Variants in ASXL2 observed in about 807,000 individuals in gnomAD.
The protein encoded by ASXL2 is ASXL transcriptional regulator 2, also known as putative Polycomb group protein ASXL2.
Under a neutral mutation model 122.0 loss-of-function variants are expected in ASXL2, and 23 were observed. That is an observed-to-expected ratio of 0.19 (90% CI 0.14 to 0.27). The LOEUF is 0.27. Ranked by LOEUF, ASXL2 falls within the 10% of genes least tolerant of loss-of-function variation. The pLI is 1.00. For missense variants in ASXL2, 1,518 were observed against 1,713.8 expected, an observed-to-expected ratio of 0.89 and a Z score of 2.02; for synonymous variants, 650 against 637.0, an observed-to-expected ratio of 1.02 and a Z score of -0.31.
At chr2:25,771,189 T>G (rs549490913) in intron 6 of ASXL2, among the ~76,000 whole-genome samples, 3 of 152,146 alleles carry the variant, frequency 2.0e-5, no homozygotes, top group Admixed American at 6.5e-5. Context: ...TGAGCTGAGA[T>G]TGCACCCACT....
intron 1 of ASXL2, among the ~76,000 whole-genome samples, chr2:25,874,214 C>A (rs1160376473): frequency 6.6e-6 from 1 of 151,978 alleles, no homozygotes; most frequent in Non-Finnish European, 1.5e-5. Context: ...GTGGGCCCCG[C>A]ACAGTGGCTC....
intron 12 of ASXL2, among the ~76,000 whole-genome samples, chr2:25,745,641 CTTTTT>C (rs59530493): frequency 5.3e-5 from 4 of 75,676 alleles, no homozygotes; most frequent in Admixed American, 1.6e-4. Context: ...TGATTTCCTT[CTTTTT>C]TTTTTTTTTT....
At chr2:25,855,882 C>CATTTATTTATTTATTTATTTATTTATTT (rs147256555) in intron 1 of ASXL2, among the ~76,000 whole-genome samples, 6 of 142,464 alleles carry the variant, frequency 4.2e-5, no homozygotes, top group African/African-American at 1.6e-4. Context: ...CTTGATAATG[C>CATTTATTTATTTATTTATTTATTTATTT]ATTTATTTAT....
chr2:25,820,601 A>G (rs1485698458), intron 3 of ASXL2, among the ~76,000 whole-genome samples: 7 of 152,196 alleles, frequency 4.6e-5, no homozygotes, highest in Non-Finnish European at 8.8e-5. Context: ...TGTTAGGAGG[A>G]GCCAGCATTA....
chr2:25,832,245 T>C (rs1199806529), intron 3 of ASXL2, among the ~76,000 whole-genome samples: 1 of 152,224 alleles, frequency 6.6e-6, no homozygotes, highest in African/African-American at 2.4e-5. Flanking sequence ...AGAATCTAAA[T>C]GGAAGTACGG....
At chr2:25,754,664 CACTT>C (rs1366956975) in intron 10 of ASXL2, among the ~76,000 whole-genome samples, 5 of 146,408 alleles carry the variant, frequency 3.4e-5, no homozygotes, top group African/African-American at 5.1e-5. Flanking sequence ...GTACAGCAGT[CACTT>C]GCTTGCATGT....
At chr2:25,815,046 C>T (rs977377767) in intron 3 of ASXL2, among the ~76,000 whole-genome samples, 1 of 152,168 alleles carries the variant, frequency 6.6e-6, no homozygotes, top group Non-Finnish European at 1.5e-5. Flanking sequence ...ACTTTACCAA[C>T]TTACTATCCT....
intron 3 of ASXL2, chr2:25,810,184 T>A: frequency 1.7e-6 from 1 of 578,124 alleles, no homozygotes; most frequent in South Asian, 1.4e-5. Context: ...TCCATCAGTC[T>A]CATCTGCTCA....
rs1339768293 is a variant in ASXL2 at position 25,742,378 on chromosome 2, G to A, written c.3959C>T (p.Pro1320Leu). 1.2e-6 allele frequency: 2 copies of A among 1,612,064 alleles called. No individual in the cohort carries two copies. The highest frequency in any genetic ancestry group is 1.7e-6 in the Non-Finnish European group (2 of 1,179,216). ...TCTATAGCTTGGCCCTATCTGGGTG[G>A]GGCTTCCATACAACTTCGGGGTTTG... ...PLQTPKLYGS[P>L]TQIGPSYRGM... Residue 1320 changes from proline to leucine, a missense_variant, in exon 13 of 13, where the codon CCC (proline) becomes CTC (leucine). Transcript: ENST00000435504.
At chr2:25,751,635 GA>G (rs1347207684) in intron 11 of ASXL2, among the ~76,000 whole-genome samples, 109 of 126,626 alleles carry the variant, frequency 8.6e-4, no homozygotes, top group South Asian at 8.0e-3. Context: ...CCCTGTCTTT[GA>G]AAAAAAAAAA....
intron 8 of ASXL2, among the ~76,000 whole-genome samples, chr2:25,766,355 G>GT (rs2088350714): frequency 1.3e-5 from 2 of 151,944 alleles, no homozygotes; most frequent in African/African-American, 2.4e-5. Flanking sequence ...TTCTTATATT[G>GT]TTTTTTATCA....
At chr2:25,818,474 G>A (rs754660096) in intron 3 of ASXL2, among the ~76,000 whole-genome samples, 2 of 152,168 alleles carry the variant, frequency 1.3e-5, no homozygotes, top group Non-Finnish European at 2.9e-5. Context: ...TCATGCCACT[G>A]TACTCCAGCC....
At chr2:25,790,836 C>T (rs1228655166) in intron 5 of ASXL2, among the ~76,000 whole-genome samples, 1 of 126,860 alleles carries the variant, frequency 7.9e-6, no homozygotes, top group African/African-American at 3.0e-5. Context: ...CAGGGTCTCT[C>T]TCTGTCACTC....
chr2:25,811,758 T>G (rs2089173764), intron 3 of ASXL2, among the ~76,000 whole-genome samples: 1 of 152,170 alleles, frequency 6.6e-6, no homozygotes, highest in African/African-American at 2.4e-5. Flanking sequence ...TTGTATTTAT[T>G]TATATTTTTT....
intron 1 of ASXL2, among the ~76,000 whole-genome samples, chr2:25,849,079 A>ATATATATAT (rs1265031772): frequency 8.0e-5 from 11 of 136,704 alleles, no homozygotes; most frequent in East Asian, 4.9e-4. Context: ...ATATATATGG[A>ATATATATAT]ATATTTATTT....
chr2:25,803,950 C>T (rs1023695723), intron 4 of ASXL2, among the ~76,000 whole-genome samples: 2 of 152,124 alleles, frequency 1.3e-5, no homozygotes, highest in Admixed American at 6.5e-5. Context: ...AAGTATTGTA[C>T]TTAACGGTGT....
chr2:25,747,973 C>A (rs2087970118), intron 12 of ASXL2, among the ~76,000 whole-genome samples: 1 of 151,756 alleles, frequency 6.6e-6, no homozygotes, highest in Non-Finnish European at 1.5e-5. Context: ...TCAAGACCAG[C>A]CTGGCCAACA....
chr2:25,839,635 T>TTTTA (rs1399827099), intron 2 of ASXL2, among the ~76,000 whole-genome samples: 6 of 150,012 alleles, frequency 4.0e-5, no homozygotes, highest in African/African-American at 1.5e-4. Flanking sequence ...TTTTTTTTTT[T>TTTTA]TTAAGAGGCA....
intron 11 of ASXL2, among the ~76,000 whole-genome samples, chr2:25,752,155 G>C (rs1432062667): frequency 1.6e-4 from 24 of 152,148 alleles, no homozygotes; most frequent in Non-Finnish European, 2.9e-5. Context: ...TGGAGACAAG[G>C]AAAAGGAGAA....
Sources: gnomAD v4.1 joint callset for allele counts (sites outside exome capture counted in the v4.1 genomes callset) on GRCh38, gnomAD v4.1.1 for gene constraint, MANE v1.5 for transcripts, NCBI Gene and HGNC (gene_info 2026-07-23, HGNC 2026-07-21) for gene names.